The following WDR1 variants were observed in gnomAD, a reference collection of about 807,000 sequenced individuals.
WDR1 encodes WD repeat-containing protein 1.
In WDR1, 21 loss-of-function variants were observed where a neutral mutation model predicts 71.9. The ratio of observed to expected loss-of-function variants is 0.29; its 90% CI spans 0.21 to 0.42. The LOEUF is 0.42. WDR1 is among the 10% of genes least tolerant of loss of function. WDR1 has a pLI of 1.00. For synonymous variants in WDR1, 424 were observed against 347.4 expected, an observed-to-expected ratio of 1.22 and a Z score of -2.45; for missense variants, 696 against 824.5, an observed-to-expected ratio of 0.84 and a Z score of 1.91.
intron 10 of WDR1, among the ~76,000 whole-genome samples, chr4:10,082,165 C>G (rs1019363218): frequency 2.0e-5 from 3 of 152,200 alleles, no homozygotes; most frequent in African/African-American, 7.2e-5. Flanking sequence ...TCTGGGGCCG[C>G]TTCTGCCACT....
intron 5 of WDR1, among the ~76,000 whole-genome samples, chr4:10,090,112 G>A (rs935123484): frequency 6.6e-6 from 1 of 152,272 alleles, no homozygotes; most frequent in South Asian, 2.1e-4. Context: ...GGAAAGACAA[G>A]GAAGGACTCG....
chr4:10,083,659 G>T (rs1277041800), intron 9 of WDR1: 2 of 476,902 alleles, frequency 4.2e-6, no homozygotes, highest in Admixed American at 2.2e-5. Context: ...ACGGTGCTCA[G>T]GGAGGGCAGC....
At chr4:10,103,293 C>CACAG (rs1712816570) in intron 3 of WDR1, among the ~76,000 whole-genome samples, 2 of 14,668 alleles carry the variant, frequency 1.4e-4, no homozygotes, top group East Asian at 3.4e-3. Context: ...CACACAGACA[C>CACAG]ACACACACAC....
chr4:10,081,841 C>T (rs1387951440), intron 10 of WDR1, among the ~76,000 whole-genome samples: 1 of 152,172 alleles, frequency 6.6e-6, no homozygotes, highest in African/African-American at 2.4e-5. Flanking sequence ...GGATGGGTAA[C>T]TTTTAAGAAT....
intron 2 of WDR1, chr4:10,108,297 A>C (rs1020628032): frequency 6.6e-6 from 1 of 152,130 alleles, no homozygotes; most frequent in Non-Finnish European, 1.5e-5. Context: ...GGCTGTGATG[A>C]CCCTGGGTCC....
At chr4:10,105,875 T>C (rs1470024724) in intron 2 of WDR1, among the ~76,000 whole-genome samples, 1 of 151,968 alleles carries the variant, frequency 6.6e-6, no homozygotes, top group Non-Finnish European at 1.5e-5. Context: ...TACCCAAATA[T>C]CCATCAACAG....
intron 2 of WDR1, among the ~76,000 whole-genome samples, chr4:10,112,339 C>A (rs1239150460): frequency 2.0e-5 from 3 of 152,150 alleles, no homozygotes; most frequent in African/African-American, 7.2e-5. Context: ...ACTATCCATC[C>A]CTTCTCCGTG....
intron 6 of WDR1, 100 bp downstream of exon 6, chr4:10,088,564 C>G: frequency 8.3e-7 from 1 of 1,202,706 alleles, no homozygotes; most frequent in Non-Finnish European, 1.2e-6. Flanking sequence ...TGTCTAAGTT[C>G]TGCATGTCAG....
chr4:10,082,885 A>C, intron 10 of WDR1, 137 bp downstream of exon 10: 1 of 1,168,886 alleles, frequency 8.6e-7, no homozygotes, highest in Non-Finnish European at 1.2e-6. Context: ...ACAACAGGAG[A>C]ACAATGCTGG....
At chr4:10,098,919 C>T (rs1307362284) in intron 4 of WDR1, 73 bp downstream of exon 4, 1 of 1,596,080 alleles carries the variant, frequency 6.3e-7, no homozygotes, top group Non-Finnish European at 8.6e-7. Flanking sequence ...GCGCATCCCC[C>T]TCCCAGGGTC....
rs931593822 is a variant in WDR1 at position 10,074,628 on chromosome 4, A to C, written c.*750T>G. The C allele has an allele frequency of 6.5e-6, 1 of 152,686 alleles. No homozygotes were observed. The highest frequency in any genetic ancestry group is 2.4e-5 in the African/African-American group (1 of 41,468). 9.5% of individuals were successfully genotyped at this position (152,686 alleles called of 1,614,324 possible). ...GGGAAAGACAGGGGAACATCAAAGC[A>C]TGATGGTGAAACGGTGACCAGGACA... On this transcript the variant is annotated 3_prime_UTR_variant, in exon 15 of 15. Transcript: ENST00000499869.
At chr4:10,103,787 CCACCTCCCTCCT>C in intron 3 of WDR1, 97 bp downstream of exon 3, 1 of 311,930 alleles carries the variant, frequency 3.2e-6, no homozygotes, top group Non-Finnish European at 6.1e-6. Context: ...CCCCCACCCC[CCACCTCCCTCCT>C]CCCACTCTCC....
chr4:10,085,833 C>A (rs73212839), intron 8 of WDR1, among the ~76,000 whole-genome samples: 3,200 of 152,320 alleles, frequency 0.021, 45 homozygotes, highest in Non-Finnish European at 0.036. Context: ...CAGATCAGCA[C>A]CGAACATCAG....
chr4:10,077,545 G>A (rs1477073718), intron 13 of WDR1, 97 bp from the exon 14 acceptor site: 12 of 1,572,082 alleles, frequency 7.6e-6, no homozygotes, highest in East Asian at 6.7e-5. Flanking sequence ...AATAAGGACC[G>A]AGGTTTCTCA....
At chr4:10,083,504 TC>T in intron 9 of WDR1, 1 of 497,888 alleles carries the variant, frequency 2.0e-6, no homozygotes, top group South Asian at 1.5e-5. Context: ...ACCCCACATT[TC>T]TTTATGTTTT....
chr4:10,110,643 G>A (rs916773007), intron 2 of WDR1, among the ~76,000 whole-genome samples: 1 of 152,184 alleles, frequency 6.6e-6, no homozygotes, highest in Non-Finnish European at 1.5e-5. Context: ...CCCGCTCTGT[G>A]GCACAGCTGG....
intron 3 of WDR1, among the ~76,000 whole-genome samples, chr4:10,101,210 C>T (rs987987524): frequency 2.6e-5 from 4 of 152,258 alleles, no homozygotes; most frequent in Non-Finnish European, 5.9e-5. Context: ...AGGACTGCCC[C>T]GTGGGAATGT....
In WDR1 at chr4:10,083,022, C is replaced by T. The variant is rs371281852; in HGVS notation, c.1196G>A (p.Ser399Asn). The T allele has an allele frequency of 3.1e-6, 5 of 1,611,246 alleles. No individual in the cohort carries two copies. In the East Asian group the frequency reaches 1.1e-4, roughly 36 times the overall value. ...CCCCCGCAGACCCGAGTGCTCTCACCTGTAGTCCCGCAGCATGAGGCTGGT... is the reference window on the plus strand; with the variant it reads ...CCCCCGCAGACCCGAGTGCTCTCACTTGTAGTCCCGCAGCATGAGGCTGGT... ...RYTSLMLRDY[S>N]GQGVVKLDVQ... is the part of the protein sequence containing the mutation. The change falls in exon 10 of 15, where the codon AGC becomes AAC. Residue 399 changes from serine (S) to asparagine (N), a missense_variant and splice_region_variant. Ser to Asn is a conservative substitution (Grantham distance 46). Transcript: ENST00000499869.
In WDR1 at chr4:10,075,277, G is replaced by A. The variant is rs896121154; in HGVS notation, c.*101C>T. On this transcript the variant is annotated 3_prime_UTR_variant, in exon 15 of 15. Transcript: ENST00000499869. ...CCCTCCTGCCTCTTGTGGTGGGGTG[G>A]GGGCATGGGGGCGCGTCACAGAAAT... 3.9e-6 allele frequency: 4 copies of A among 1,014,402 alleles called. No individual in the cohort carries two copies. The highest frequency in any genetic ancestry group is 1.6e-5 in the African/African-American group (1 of 63,320). 62.8% of individuals were successfully genotyped at this position (1,014,402 alleles called of 1,614,324 possible). A position where few individuals can be genotyped will look rare whatever the true frequency, so the allele number is the denominator to read the frequency against.
Sources: gnomAD v4.1 joint callset for allele counts (sites outside exome capture counted in the v4.1 genomes callset) on GRCh38, gnomAD v4.1.1 for gene constraint, MANE v1.5 for transcripts, NCBI Gene and HGNC (gene_info 2026-07-23, HGNC 2026-07-21) for gene names.